BRINP3: variants seen among roughly 807,000 people sequenced by gnomAD.
BRINP3 encodes BMP/retinoic acid-inducible neural-specific protein 3.
In BRINP3, 19 loss-of-function variants were observed where a neutral mutation model predicts 71.0. That is an observed-to-expected ratio of 0.27 (90% CI 0.19 to 0.39). The LOEUF (loss-of-function observed/expected upper bound fraction) is 0.39. Ranked by LOEUF, BRINP3 falls within the 10% of genes least tolerant of loss-of-function variation. The pLI is 1.00. For missense variants in BRINP3, 959 were observed against 940.8 expected (o/e 1.02, Z -0.25); for synonymous variants, 380 against 337.7 (o/e 1.13, Z -1.37).
intron 2 of BRINP3, among the ~76,000 whole-genome samples, chr1:190,341,338 TCTAA>T (rs529143074): frequency 1.1e-3 from 170 of 152,004 alleles, no homozygotes; most frequent in African/African-American, 3.1e-3. Context: ...GTATAAAATC[TCTAA>T]CTACTTTTAT....
intron 7 of BRINP3, among the ~76,000 whole-genome samples, chr1:190,160,424 TTTC>T (rs1178649456): frequency 6.6e-6 from 1 of 152,072 alleles, no homozygotes; most frequent in African/African-American, 2.4e-5. Flanking sequence ...ATTAGAATGA[TTTC>T]TTCATTTTGA....
intron 7 of BRINP3, among the ~76,000 whole-genome samples, chr1:190,126,925 G>A (rs1438818066): frequency 6.6e-6 from 1 of 151,810 alleles, no homozygotes; most frequent in Non-Finnish European, 1.5e-5. Context: ...GAGCAGTGAA[G>A]AAAGCAAATA....
At chr1:190,126,260 T>C (rs1012594478) in intron 7 of BRINP3, among the ~76,000 whole-genome samples, 3 of 152,006 alleles carry the variant, frequency 2.0e-5, no homozygotes, top group African/African-American at 7.2e-5. Flanking sequence ...TTTAACAGTT[T>C]ATTTCATAGA....
intron 2 of BRINP3, among the ~76,000 whole-genome samples, chr1:190,368,147 G>T (rs538431490): frequency 6.6e-6 from 1 of 152,216 alleles, no homozygotes; most frequent in East Asian, 1.9e-4. Flanking sequence ...AAGGAAAGGG[G>T]TTTAATTAAT....
rs546774800 is a variant in BRINP3 at position 190,348,016 on chromosome 1, G to A, written c.237-66266C>T. On this transcript the variant is annotated intron_variant, in intron 2 of 7. Transcript: ENST00000367462. ...GCAATATTTTAATATAGAAAATGGA[G>A]TAGAACAAACTACAGACTTAAACCT... Among the ~76,000 whole-genome samples the A allele has an allele frequency of 3.6e-4, 55 of 152,198 alleles. 1 individual carries two copies. Among genetic ancestry groups the A allele is most frequent in the South Asian group, 4.1e-4 (2 of 4,820 alleles).
At chr1:190,112,442 T>C (rs1652774746) in intron 7 of BRINP3, among the ~76,000 whole-genome samples, 3 of 152,168 alleles carry the variant, frequency 2.0e-5, no homozygotes, top group Admixed American at 1.3e-4. Context: ...TATGCATTAG[T>C]ATATTATGAA....
At chr1:190,177,188 A>T (rs1652603663) in intron 6 of BRINP3, among the ~76,000 whole-genome samples, 3 of 108,732 alleles carry the variant, frequency 2.8e-5, no homozygotes, top group Non-Finnish European at 3.4e-5. Flanking sequence ...TTTGAGACAG[A>T]GTCTCACTCT....
chr1:190,477,287 A>T (rs1349462642), intron 1 of BRINP3, 161 bp downstream of exon 1: 1 of 152,232 alleles, frequency 6.6e-6, no homozygotes, highest in East Asian at 1.9e-4. Context: ...ATGTCTTAGC[A>T]GTGCAGTTGC....
At chr1:190,216,037 G>T (rs141370291) in intron 6 of BRINP3, among the ~76,000 whole-genome samples, 1 of 150,866 alleles carries the variant, frequency 6.6e-6, no homozygotes, top group Non-Finnish European at 1.5e-5. Context: ...AACAACTGGG[G>T]ATAACTCAGA....
At chr1:190,311,554 A>C (rs533475588) in intron 2 of BRINP3, among the ~76,000 whole-genome samples, 9 of 151,804 alleles carry the variant, frequency 5.9e-5, no homozygotes, top group African/African-American at 2.2e-4. Context: ...TAATATTAAT[A>C]AAAATTTGAT....
At chr1:190,165,453 T>TTG in intron 6 of BRINP3, among the ~76,000 whole-genome samples, 1 of 106,464 alleles carries the variant, frequency 9.4e-6, no homozygotes. Context: ...GTTTTTTTTT[T>TTG]TTTTTTTTGT....
intron 7 of BRINP3, among the ~76,000 whole-genome samples, chr1:190,128,498 G>A (rs1161858182): frequency 1.3e-5 from 2 of 151,752 alleles, no homozygotes; most frequent in Non-Finnish European, 3.0e-5. Context: ...TGAGTTGGTT[G>A]ATGAATAAAG....
chr1:190,103,373 A>G (rs1482897611), intron 7 of BRINP3, among the ~76,000 whole-genome samples: 1 of 152,034 alleles, frequency 6.6e-6, no homozygotes, highest in Non-Finnish European at 1.5e-5. Context: ...AACATGAATT[A>G]AATGTTTGAC....
At chr1:190,264,312 T>G (rs1028411868) in intron 4 of BRINP3, among the ~76,000 whole-genome samples, 2 of 152,200 alleles carry the variant, frequency 1.3e-5, no homozygotes, top group African/African-American at 4.8e-5. Context: ...GAACACATAA[T>G]ATTAATCCAC....
chr1:190,359,460 C>T (rs369763430), intron 2 of BRINP3, among the ~76,000 whole-genome samples: 6 of 152,128 alleles, frequency 3.9e-5, no homozygotes, highest in African/African-American at 1.4e-4. Flanking sequence ...AATGAGGCCC[C>T]AGTGAAAACT....
rs141844868 is a variant in BRINP3, at chr1:190,320,676, A to AAC, written c.237-38928_237-38927dup. The stretch of plus-strand genomic sequence containing the variant: ...CAGGTCATAGTCACTCCCACCCCCC[A>AAC]ACACACACACACACACTCACTCACT... On this transcript the variant is annotated intron_variant, in intron 2 of 7. Transcript: ENST00000367462. Among the ~76,000 whole-genome samples, 75 of 151,106 alleles carry AAC rather than the reference A, an allele frequency of 5.0e-4. No homozygotes were observed. In the East Asian group the frequency reaches 6.6e-3, roughly 13 times the overall value.
chr1:190,426,140 T>G lies in BRINP3; in HGVS notation c.236+28515A>C, dbSNP rs1007656495. Among the ~76,000 whole-genome samples, 2 of 151,772 alleles carry G rather than the reference T, an allele frequency of 1.3e-5. 1 individual carries two copies. The highest frequency in any genetic ancestry group is 2.9e-5 in the Non-Finnish European group (2 of 67,798). On this transcript the variant is annotated intron_variant, in intron 2 of 7. Transcript: ENST00000367462. ...TATCCTTTATTTTGGAAACGTGTAA[T>G]GAAAAAATATATATCCAAAGGCAGA...
chr1:190,321,279 A>G (rs1314363280), intron 2 of BRINP3, among the ~76,000 whole-genome samples: 1 of 152,084 alleles, frequency 6.6e-6, no homozygotes, highest in East Asian at 1.9e-4. Context: ...TTACCACTCT[A>G]TTTATTATCC....
chr1:190,319,121 A>T (rs111237385), intron 2 of BRINP3, among the ~76,000 whole-genome samples: 308 of 152,262 alleles, frequency 2.0e-3, no homozygotes, highest in Non-Finnish European at 3.7e-3. Flanking sequence ...CACTAGCAGA[A>T]CTTTAGGATA....
Sources: gnomAD v4.1 joint callset for allele counts (sites outside exome capture counted in the v4.1 genomes callset) on GRCh38, gnomAD v4.1.1 for gene constraint, MANE v1.5 for transcripts, NCBI Gene and HGNC (gene_info 2026-07-23, HGNC 2026-07-21) for gene names.